The following UNC13B variants were observed in gnomAD, a reference collection of about 807,000 sequenced individuals.
UNC13B encodes protein unc-13 homolog B.
In UNC13B, 144 loss-of-function variants were observed where a neutral mutation model predicts 211.0. That is an observed-to-expected ratio of 0.68 (90% CI 0.60 to 0.78). The LOEUF (loss-of-function observed/expected upper bound fraction) is 0.78. Ranked by LOEUF, UNC13B falls within the 30% of genes least tolerant of loss-of-function variation. UNC13B has a pLI of 0.00. For synonymous variants in UNC13B, 709 were observed against 725.8 expected (o/e 0.98, Z 0.37); for missense variants, 1,777 against 2,002.0 (o/e 0.89, Z 2.14).
chr9:35,211,423 G>A (rs1823958744), intron 1 of UNC13B, among the ~76,000 whole-genome samples: 1 of 152,174 alleles, frequency 6.6e-6, no homozygotes, highest in Non-Finnish European at 1.5e-5. Context: ...ATTATTCCAT[G>A]TGGGTACCCG....
intron 7 of UNC13B, among the ~76,000 whole-genome samples, chr9:35,281,045 C>G (rs553200321): frequency 6.6e-6 from 1 of 151,916 alleles, no homozygotes; most frequent in African/African-American, 2.4e-5. Context: ...GTCAGGAGAT[C>G]GAGACCATCC....
intron 1 of UNC13B, among the ~76,000 whole-genome samples, chr9:35,189,772 C>T (rs1052660003): frequency 2.6e-5 from 4 of 152,272 alleles, no homozygotes; most frequent in African/African-American, 9.6e-5. Context: ...CAGGTTCAAG[C>T]GATTCTCCTG....
intron 11 of UNC13B, among the ~76,000 whole-genome samples, chr9:35,315,384 G>C (rs1436926250): frequency 3.9e-5 from 6 of 152,084 alleles, no homozygotes; most frequent in African/African-American, 1.2e-4. Flanking sequence ...TTATTTTGAA[G>C]CAATTTCAAA....
intron 1 of UNC13B, among the ~76,000 whole-genome samples, chr9:35,186,934 T>G (rs1822393899): frequency 6.6e-6 from 1 of 152,114 alleles, no homozygotes; most frequent in Non-Finnish European, 1.5e-5. Flanking sequence ...GTGTGACATA[T>G]TACCAAACCC....
chr9:35,360,399 G>A (rs1034716662), intron 11 of UNC13B: 9 of 152,220 alleles, frequency 5.9e-5, no homozygotes, highest in African/African-American at 2.2e-4. Context: ...AGAAGTGGAG[G>A]TAATAATGGT....
At chr9:35,376,704 G>A (rs1834437745) in intron 15 of UNC13B, among the ~76,000 whole-genome samples, 1 of 152,198 alleles carries the variant, frequency 6.6e-6, no homozygotes, top group African/African-American at 2.4e-5. Flanking sequence ...CTTGTTTTTA[G>A]ACAATAGTGC....
At position 35,259,798 on chromosome 9, in the gene UNC13B, G is replaced by GA. The variant is rs1461764372; in HGVS notation, c.526+748_526+749insA. Among the ~76,000 whole-genome samples the GA allele has an allele frequency of 3.5e-5, 5 of 142,034 alleles. 1 individual carries two copies. Among genetic ancestry groups the GA allele is most frequent in the Non-Finnish European group, 3.1e-5 (2 of 64,888 alleles). 93.2% of individuals were successfully genotyped at this position (142,034 alleles called of 152,430 possible). A position where few individuals can be genotyped will look rare whatever the true frequency, so the allele number is the denominator to read the frequency against. On this transcript the variant is annotated intron_variant, in intron 7 of 39. Transcript: ENST00000635942. ...GTGTGTGTGTGTGTAGGGGGATGCG[G>GA]GGGGGGGGGATTTTGATACTTTTGT...
intron 10 of UNC13B, among the ~76,000 whole-genome samples, chr9:35,311,492 G>C (rs1270637463): frequency 6.6e-6 from 1 of 152,192 alleles, no homozygotes; most frequent in Non-Finnish European, 1.5e-5. Context: ...GTTCAAAGGG[G>C]TTGGTCAGGG....
intron 11 of UNC13B, among the ~76,000 whole-genome samples, chr9:35,345,533 G>A (rs955995671): frequency 2.0e-5 from 3 of 152,146 alleles, no homozygotes; most frequent in Non-Finnish European, 4.4e-5. Flanking sequence ...GAAATCAAGG[G>A]TGGGAATTTT....
At chr9:35,178,785 G>A (rs142031611) in intron 1 of UNC13B, among the ~76,000 whole-genome samples, 29 of 150,336 alleles carry the variant, frequency 1.9e-4, no homozygotes, top group African/African-American at 7.1e-4. Flanking sequence ...CTACTCTGGA[G>A]GCTGAGGCAG....
At chr9:35,294,262 T>C (rs765620399) in intron 7 of UNC13B, among the ~76,000 whole-genome samples, 4 of 152,192 alleles carry the variant, frequency 2.6e-5, no homozygotes, top group Non-Finnish European at 5.9e-5. Flanking sequence ...AAAAGCCTAA[T>C]CTTACGGTCT....
At position 35,306,769 on chromosome 9, in the gene UNC13B, A is replaced by G. The variant is rs781141568; in HGVS notation, c.7365A>G (p.Val2455=). ...EEDKFALGSS[V]DMLSGFVTKV... The stretch of plus-strand genomic sequence containing the variant: ...ACAAATTTGCATTAGGCTCTTCAGT[A>G]GACATGCTTTCAGGGTTTGTGACCA... The change falls in exon 9 of 40, where the codon GTA becomes GTG. Residue 2455 remains valine, a synonymous_variant. Coordinates refer to ENST00000635942, the MANE Select transcript of UNC13B (RefSeq NM_001371189.2). 103 of 398,928 alleles carry G rather than the reference A, an allele frequency of 2.6e-4. No homozygotes were observed. Among genetic ancestry groups the G allele is most frequent in the Non-Finnish European group, 4.1e-4 (93 of 226,080 alleles). 24.7% of individuals were successfully genotyped at this position (398,928 alleles called of 1,614,324 possible). A position where few individuals can be genotyped will look rare whatever the true frequency, so the allele number is the denominator to read the frequency against.
At chr9:35,378,896 G>A (rs908550049) in intron 17 of UNC13B, among the ~76,000 whole-genome samples, 1 of 152,176 alleles carries the variant, frequency 6.6e-6, no homozygotes, top group East Asian at 1.9e-4. Context: ...GGGTTCTGAA[G>A]AAGATGCTGT....
intron 11 of UNC13B, among the ~76,000 whole-genome samples, chr9:35,324,198 A>C (rs1830884589): frequency 6.6e-6 from 1 of 152,184 alleles, no homozygotes; most frequent in South Asian, 2.1e-4. Flanking sequence ...TCTTTTTAAC[A>C]CTAATCTTAG....
intron 1 of UNC13B, among the ~76,000 whole-genome samples, chr9:35,186,272 T>C (rs1822354767): frequency 6.6e-6 from 1 of 152,196 alleles, no homozygotes; most frequent in African/African-American, 2.4e-5. Context: ...AGGTTTCATC[T>C]ACATGATGAA....
At chr9:35,340,312 C>T (rs1247117971) in intron 11 of UNC13B, among the ~76,000 whole-genome samples, 2 of 152,146 alleles carry the variant, frequency 1.3e-5, no homozygotes, top group East Asian at 3.9e-4. Flanking sequence ...GGTTGTTTAG[C>T]ATCTCTTGGA....
In UNC13B at chr9:35,349,396, C is replaced by T. The variant is rs912308995; in HGVS notation, c.9415-17551C>T. 2.3e-4 allele frequency among the ~76,000 whole-genome samples: 35 copies of T among 150,878 alleles called. 1 individual carries two copies. The East Asian group carries it at 6.6e-3, about 28-fold the overall frequency. ...TATCTTTGGAAATTCAGATTTTGTC[C>T]TTGTGGGAAGAGAGAAGGAAGAATT... On this transcript the variant is annotated intron_variant, in intron 11 of 39. Transcript: ENST00000635942.
chr9:35,394,441 C>T (rs1564194572), intron 26 of UNC13B, among the ~76,000 whole-genome samples: 1 of 152,136 alleles, frequency 6.6e-6, no homozygotes, highest in Non-Finnish European at 1.5e-5. Flanking sequence ...ACTAAAAATA[C>T]AAACATTAGC....
At chr9:35,356,605 G>T (rs572121130) in intron 11 of UNC13B, among the ~76,000 whole-genome samples, 1 of 152,146 alleles carries the variant, frequency 6.6e-6, no homozygotes, top group African/African-American at 2.4e-5. Context: ...GCTTTATTGA[G>T]TTATAATTCA....
Sources: gnomAD v4.1 joint callset for allele counts (sites outside exome capture counted in the v4.1 genomes callset) on GRCh38, gnomAD v4.1.1 for gene constraint, MANE v1.5 for transcripts, NCBI Gene and HGNC (gene_info 2026-07-23, HGNC 2026-07-21) for gene names.